The following NAA15 variants were observed in gnomAD, a reference collection of about 807,000 sequenced individuals.
NAA15 encodes the protein N-alpha-acetyltransferase 15, NatA auxiliary subunit.
Under a neutral mutation model 114.0 loss-of-function variants are expected in NAA15, and 34 were observed. That is an observed-to-expected ratio of 0.30 (90% CI 0.23 to 0.40). The LOEUF (loss-of-function observed/expected upper bound fraction) is 0.40. NAA15 is among the 10% of genes least tolerant of loss of function. NAA15 has a pLI of 1.00. For missense variants in NAA15, 658 were observed against 1,004.5 expected (o/e 0.66, Z 4.66); for synonymous variants, 340 against 338.0 (o/e 1.01, Z -0.06).
intron 1 of NAA15, 68 bp downstream of exon 1, chr4:139,301,899 C>G: frequency 2.7e-6 from 4 of 1,508,674 alleles, no homozygotes; most frequent in South Asian, 2.5e-5. Flanking sequence ...CACCCCTAAC[C>G]TCGGCCCGGC....
intron 1 of NAA15, among the ~76,000 whole-genome samples, chr4:139,308,684 C>T (rs373725317): frequency 4.6e-5 from 7 of 152,108 alleles, no homozygotes; most frequent in Non-Finnish European, 7.4e-5. Flanking sequence ...CTGCACTCTC[C>T]GACTCACTGC....
At chr4:139,365,061 G>C (rs1334850384) in intron 14 of NAA15, among the ~76,000 whole-genome samples, 1 of 152,002 alleles carries the variant, frequency 6.6e-6, no homozygotes, top group African/African-American at 2.4e-5. Flanking sequence ...TTTTGAGATG[G>C]AGTTTCGCTC....
chr4:139,310,645 G>A (rs1233520331), intron 1 of NAA15, among the ~76,000 whole-genome samples: 1 of 151,284 alleles, frequency 6.6e-6, no homozygotes, highest in Non-Finnish European at 1.5e-5. Context: ...TTGAGACAGG[G>A]TTTTGCTCTG....
intron 14 of NAA15, among the ~76,000 whole-genome samples, chr4:139,369,666 A>G (rs1748378781): frequency 6.7e-6 from 1 of 148,556 alleles, no homozygotes; most frequent in Non-Finnish European, 1.5e-5. Flanking sequence ...TGAACCTGGG[A>G]AGCAGAGGTT....
In NAA15 at chr4:139,388,100, C is replaced by T. The variant is rs754732434; in HGVS notation, c.*16C>T. 1.9e-6 allele frequency: 3 copies of T among 1,609,598 alleles called. No homozygotes were observed. Among genetic ancestry groups the T allele is most frequent in the East Asian group, 2.2e-5 (1 of 44,788 alleles). ...TGAAATTTGAACATCACTAAACAAG[C>T]AAATGGAATGACTTTGGACCATATC... On this transcript the variant is annotated 3_prime_UTR_variant, in exon 20 of 20. Transcript: ENST00000296543.
chr4:139,354,919 CAG>C (rs1214185955), intron 10 of NAA15, among the ~76,000 whole-genome samples: 6 of 152,162 alleles, frequency 3.9e-5, no homozygotes, highest in Non-Finnish European at 8.8e-5. Flanking sequence ...CTCTGTCATC[CAG>C]GCTGGTGTAC....
chr4:139,326,188 C>T (rs997409188), intron 1 of NAA15, among the ~76,000 whole-genome samples: 2 of 152,026 alleles, frequency 1.3e-5, no homozygotes, highest in African/African-American at 4.8e-5. Context: ...GAAGTAGTTA[C>T]AATGGTTAGG....
chr4:139,336,582 A>G (rs1329428360), intron 2 of NAA15, among the ~76,000 whole-genome samples: 1 of 152,122 alleles, frequency 6.6e-6, no homozygotes, highest in Non-Finnish European at 1.5e-5. Context: ...TTCTAGTCAA[A>G]TAGCATGCAT....
chr4:139,366,000 T>G (rs1300504144), intron 14 of NAA15, among the ~76,000 whole-genome samples: 1 of 149,426 alleles, frequency 6.7e-6, no homozygotes, highest in African/African-American at 2.5e-5. Context: ...CAGAATGTAA[T>G]TTTTTGGTCT....
At chr4:139,385,283 A>AATATATATATAAT (rs1748868283) in intron 18 of NAA15, among the ~76,000 whole-genome samples, 1 of 100,490 alleles carries the variant, frequency 1.0e-5, no homozygotes, top group South Asian at 2.7e-4. Flanking sequence ...ATATATATAT[A>AATATATATATAAT]ATATATATAT....
chr4:139,363,342 C>T (rs1033522180), intron 14 of NAA15, among the ~76,000 whole-genome samples: 2 of 152,188 alleles, frequency 1.3e-5, no homozygotes, highest in African/African-American at 2.4e-5. Flanking sequence ...ATTCTTCATT[C>T]CAGCAATTAT....
At chr4:139,302,869 T>C (rs1745854270) in intron 1 of NAA15, among the ~76,000 whole-genome samples, 1 of 152,244 alleles carries the variant, frequency 6.6e-6, no homozygotes, top group African/African-American at 2.4e-5. Context: ...ATTTTTTGTT[T>C]GGCATTTAGT....
intron 2 of NAA15, among the ~76,000 whole-genome samples, chr4:139,336,294 C>G (rs774359647): frequency 5.9e-5 from 9 of 151,988 alleles, no homozygotes; most frequent in Non-Finnish European, 1.3e-4. Context: ...TCTTTTAACT[C>G]TCTTTTAATC....
chr4:139,348,909 C>T (rs1747689100), intron 6 of NAA15, among the ~76,000 whole-genome samples: 1 of 152,138 alleles, frequency 6.6e-6, no homozygotes. Context: ...ATAGTTTTTT[C>T]TCTGAAGTTG....
chr4:139,388,766 T>C lies in NAA15; in HGVS notation c.*682T>C, dbSNP rs533124176. 6.5e-6 allele frequency: 1 copy of C among 152,764 alleles called. No individual in the cohort carries two copies. Among genetic ancestry groups the C allele is most frequent in the African/African-American group, 2.4e-5 (1 of 41,578 alleles). The allele number at this position is 152,764 out of a possible 1,614,324, so 9.5% of individuals were successfully genotyped here. A position where few individuals can be genotyped will look rare whatever the true frequency, so the allele number is the denominator to read the frequency against. ...ACAGTTTTTAACTGAAGGAACCAGT[T>C]GTAACAGTCTCAATTTTAACTAAAA... On this transcript the variant is annotated 3_prime_UTR_variant, in exon 20 of 20. Coordinates refer to ENST00000296543, the MANE Select transcript of NAA15 (RefSeq NM_057175.5).
rs77654661 is a variant in NAA15, at chr4:139,344,456, A to T, written c.691+117A>T. On this transcript the variant is annotated intron_variant, in intron 6 of 19. Transcript: ENST00000296543. ...TCAGCTTTTTGATGATAGGAAATCT[A>T]TTTCTTACTCGTGTACTTTTAATAG... The T allele has an allele frequency of 9.1e-6, 7 of 769,056 alleles. No individual in the cohort carries two copies. The East Asian group carries it at 1.6e-4, about 17-fold the overall frequency. 47.6% of individuals were successfully genotyped at this position (769,056 alleles called of 1,614,324 possible).
At chr4:139,367,946 C>T (rs1276974847) in intron 14 of NAA15, among the ~76,000 whole-genome samples, 1 of 151,564 alleles carries the variant, frequency 6.6e-6, no homozygotes, top group Non-Finnish European at 1.5e-5. Context: ...TCCTTCACTT[C>T]ATTTTAAGGG....
intron 18 of NAA15, among the ~76,000 whole-genome samples, 171 bp from the exon 19 acceptor site, chr4:139,385,962 C>T (rs1748899945): frequency 6.6e-6 from 1 of 152,108 alleles, no homozygotes; most frequent in African/African-American, 2.4e-5. Flanking sequence ...AGCTAATCCC[C>T]TTAGCATTAT....
Position 139,342,865 on chromosome 4 carries a change from A to C in NAA15, c.442A>C (p.Arg148=). 1 of 1,613,978 alleles carries C rather than the reference A, an allele frequency of 6.2e-7. No individual in the cohort carries two copies. The change falls in exon 5 of 20, where the codon AGA becomes CGA. Residue 148 remains arginine, a synonymous_variant. Coordinates refer to ENST00000296543, the MANE Select transcript of NAA15 (RefSeq NM_057175.5). ...YQLLQLRPAQ[R]ASWIGYAIAY... is the part of the protein sequence containing the mutation. ...GTTACTTCAGCTTCGACCTGCGCAG[A>C]GAGCATCATGGATTGGTTATGCTAT...
Sources: allele counts gnomAD v4.1 joint callset (sites outside exome capture counted in the v4.1 genomes callset), GRCh38; gene constraint gnomAD v4.1.1; transcripts MANE v1.5; gene names NCBI Gene and HGNC (gene_info 2026-07-23, HGNC 2026-07-21).